PSTPIP1: variants seen among roughly 807,000 people sequenced by gnomAD.
PSTPIP1 encodes the protein proline-serine-threonine phosphatase-interacting protein 1.
A neutral mutation model predicts 69.6 loss-of-function variants in PSTPIP1; 66 were observed. The observed-to-expected ratio is 0.95, with a 90% CI of 0.78 to 1.16. The LOEUF is 1.16. PSTPIP1 is among the 50% of genes most tolerant of loss of function. The probability of loss-of-function intolerance (pLI) is 0.00; values close to 1 mark genes in which losing one functional copy is unlikely to be tolerated. For synonymous variants in PSTPIP1, 266 were observed against 222.7 expected, an observed-to-expected ratio of 1.19 and a Z score of -1.73; for missense variants, 603 against 557.4, an observed-to-expected ratio of 1.08 and a Z score of -0.82.
At chr15:77,020,775 A>G (rs1163740053) in intron 3 of PSTPIP1, among the ~76,000 whole-genome samples, 3 of 151,296 alleles carry the variant, frequency 2.0e-5, no homozygotes, top group Non-Finnish European at 4.4e-5. Context: ...CTTGGCTTAG[A>G]CCCAATTACC....
At chr15:77,029,498 G>A in intron 7 of PSTPIP1, 31 bp from the exon 8 acceptor site, 1 of 1,561,890 alleles carries the variant, frequency 6.4e-7, no homozygotes, top group Non-Finnish European at 8.7e-7. Flanking sequence ...TGGGGCAGGG[G>A]CTTAGCGCTG....
intron 5 of PSTPIP1, chr15:77,026,040 G>C (rs1184835324): frequency 2.2e-6 from 1 of 456,558 alleles, no homozygotes; most frequent in Non-Finnish European, 4.4e-6. Flanking sequence ...CAAGGCTGAG[G>C]GGTCAGACAC....
chr15:77,000,164 G>A (rs1241147934), intron 1 of PSTPIP1, among the ~76,000 whole-genome samples: 1 of 152,152 alleles, frequency 6.6e-6, no homozygotes, highest in Non-Finnish European at 1.5e-5. Context: ...CATTTAACAG[G>A]TGACAGCACC....
rs776482457 is a variant in PSTPIP1 at position 77,037,074 on chromosome 15, A to G, written c.1149A>G (p.Gly383=). The G allele has an allele frequency of 6.2e-7, 1 of 1,612,222 alleles. No individual in the cohort carries two copies. The highest frequency in any genetic ancestry group is 1.1e-5 in the South Asian group (1 of 91,084). Residue 383 remains glycine (G), a synonymous_variant, in exon 15 of 15, where the codon GGA becomes GGG. Transcript: ENST00000558012. Reference sequence around the variant, plus strand: ...CAGATGAGCTGGACCTGTCCGCGGGAGACATCCTGGAGGTGATCCTGGAAG... The same window carrying G: ...CAGATGAGCTGGACCTGTCCGCGGGGGACATCCTGGAGGTGATCCTGGAAG... ...QNPDELDLSA[G]DILEVILEGE...
chr15:77,009,495 G>T (rs2075889220), intron 1 of PSTPIP1, among the ~76,000 whole-genome samples: 1 of 152,182 alleles, frequency 6.6e-6, no homozygotes, highest in Non-Finnish European at 1.5e-5. Flanking sequence ...AAAAATTGAG[G>T]CCAGAGAGTG....
intron 1 of PSTPIP1, among the ~76,000 whole-genome samples, chr15:77,015,613 A>G (rs2076032238): frequency 6.6e-6 from 1 of 152,176 alleles, no homozygotes; most frequent in Non-Finnish European, 1.5e-5. Context: ...GCAGACCCAC[A>G]TGACTGATTA....
Position 77,025,597 on chromosome 15 carries a change from G to T in PSTPIP1, c.347G>T (p.Arg116Met). The T allele has an allele frequency of 6.5e-7, 1 of 1,545,428 alleles. No individual in the cohort carries two copies. The highest frequency in any genetic ancestry group is 8.8e-7 in the Non-Finnish European group (1 of 1,141,984). Residue 116 changes from arginine to methionine, a missense_variant, in exon 5 of 15, where the codon AGG becomes ATG. Arg to Met is a moderately conservative substitution (Grantham distance 91). Coordinates refer to ENST00000558012, the MANE Select transcript of PSTPIP1 (RefSeq NM_003978.5). ...TTTCGTGAGAGGCAGAAGGAGCAGA[G>T]GAAGAAGGTGAGGCAGGTGCAGGGG... ...EEFRERQKEQ[R>M]KKYEAVMDRV...
intron 3 of PSTPIP1, among the ~76,000 whole-genome samples, chr15:77,022,082 C>G (rs2076172146): frequency 6.6e-6 from 1 of 152,256 alleles, no homozygotes; most frequent in African/African-American, 2.4e-5. Flanking sequence ...GCCTCACCCC[C>G]AGTTGTCACA....
chr15:77,011,761 G>A (rs1396904582), intron 1 of PSTPIP1, among the ~76,000 whole-genome samples: 4 of 152,100 alleles, frequency 2.6e-5, no homozygotes, highest in Non-Finnish European at 5.9e-5. Context: ...TGAGGCTTGA[G>A]TCCTCTCTGT....
rs1286386251 is a variant in PSTPIP1 at position 77,025,521 on chromosome 15, C to T, written c.271C>T (p.His91Tyr). ...AGAAATGGAGAATGTGGGCAGCTCACACATCCAGCTGGCCCTGACCCTGCG... is the reference window on the plus strand; with the variant it reads ...AGAAATGGAGAATGTGGGCAGCTCATACATCCAGCTGGCCCTGACCCTGCG... ...KQQMENVGSS[H>Y]IQLALTLREE... The change falls in exon 5 of 15, where the codon CAC (histidine) becomes TAC (tyrosine). Residue 91 changes from histidine to tyrosine, a missense_variant. His to Tyr is a moderately conservative substitution (Grantham distance 83). Coordinates refer to ENST00000558012, the MANE Select transcript of PSTPIP1 (RefSeq NM_003978.5). The T allele has an allele frequency of 6.4e-7, 1 of 1,556,838 alleles. No individual in the cohort carries two copies. Among genetic ancestry groups the T allele is most frequent in the South Asian group, 1.2e-5 (1 of 84,694 alleles).
intron 1 of PSTPIP1, among the ~76,000 whole-genome samples, chr15:77,013,549 C>T (rs1320095252): frequency 6.6e-6 from 1 of 152,110 alleles, no homozygotes; most frequent in Admixed American, 6.5e-5. Context: ...GGTGACCCTG[C>T]CCCCCTGGAG....
chr15:77,025,792 T>G (rs2076268070), intron 5 of PSTPIP1, among the ~76,000 whole-genome samples, 188 bp downstream of exon 5: 1 of 152,152 alleles, frequency 6.6e-6, no homozygotes, highest in South Asian at 2.1e-4. Flanking sequence ...GCCTGGCCGC[T>G]GGCACTAAGG....
intron 1 of PSTPIP1, among the ~76,000 whole-genome samples, chr15:77,012,306 C>T (rs2075959629): frequency 6.6e-6 from 1 of 151,428 alleles, no homozygotes; most frequent in Non-Finnish European, 1.5e-5. Flanking sequence ...CCCATCCATG[C>T]ATCCACCCAC....
At chr15:77,009,636 C>T (rs1357637456) in intron 1 of PSTPIP1, among the ~76,000 whole-genome samples, 3 of 152,242 alleles carry the variant, frequency 2.0e-5, no homozygotes, top group Middle Eastern at 3.4e-3. Context: ...GCCCGGTGAG[C>T]GTCAAATGCC....
At chr15:77,030,465 G>C (rs748633983) in intron 8 of PSTPIP1, 37 bp from the exon 9 acceptor site, 4 of 1,600,626 alleles carry the variant, frequency 2.5e-6, no homozygotes, top group Non-Finnish European at 3.4e-6. Context: ...GGAGGAGCTC[G>C]TGTCAGGGCC....
At chr15:77,008,200 G>T (rs1218347941) in intron 1 of PSTPIP1, 1 of 374,718 alleles carries the variant, frequency 2.7e-6, no homozygotes, top group African/African-American at 2.1e-5. Flanking sequence ...TGTGGGTGGG[G>T]TGTTTGGGGA....
At chr15:77,005,920 T>C (rs537068259) in intron 1 of PSTPIP1, among the ~76,000 whole-genome samples, 13 of 152,366 alleles carry the variant, frequency 8.5e-5, no homozygotes, top group East Asian at 5.8e-4. Context: ...TTCTTTGAGC[T>C]ACTGTGAATA....
chr15:77,027,486 T>C lies in PSTPIP1; in HGVS notation c.355-366T>C, dbSNP rs927744432. Among the ~76,000 whole-genome samples, 1 of 152,178 alleles carries C rather than the reference T, an allele frequency of 6.6e-6. No homozygotes were observed. Among genetic ancestry groups the C allele is most frequent in the African/African-American group, 2.4e-5 (1 of 41,440 alleles). Reference sequence around the variant, plus strand: ...CCGAGTTAATGTGGAACTCTGCATGTATGTGTGTGCCAGAGTGTACACACA... The same window carrying C: ...CCGAGTTAATGTGGAACTCTGCATGCATGTGTGTGCCAGAGTGTACACACA... On this transcript the variant is annotated intron_variant, in intron 5 of 14. Transcript: ENST00000558012. The surrounding 1 kb of genome is among the most constrained non-coding windows in gnomAD (Gnocchi z 4.3).
chr15:77,008,829 C>T (rs906225099), intron 1 of PSTPIP1, among the ~76,000 whole-genome samples: 17 of 152,220 alleles, frequency 1.1e-4, no homozygotes, highest in African/African-American at 4.1e-4. Flanking sequence ...GAGCATCTGA[C>T]TCTAAGTAGA....
Sources: gnomAD v4.1 joint callset for allele counts (sites outside exome capture counted in the v4.1 genomes callset) on GRCh38, gnomAD v4.1.1 for gene constraint, Gnocchi (gnomAD v3.1) non-coding constraint, MANE v1.5 for transcripts, NCBI Gene and HGNC (gene_info 2026-07-23, HGNC 2026-07-21) for gene names.